Variants in NBAS observed in about 807,000 individuals in gnomAD.
The protein encoded by NBAS is NBAS subunit of NRZ tethering complex, also known as NAG/BC035112 fusion.
A neutral mutation model predicts 302.5 loss-of-function variants in NBAS; 219 were observed. The observed-to-expected ratio is 0.72, with a 90% CI of 0.65 to 0.81. The LOEUF is 0.81. Among genes scored for constraint, NBAS ranks in the 30% least tolerant of loss-of-function variants. The pLI is 0.00. For missense variants in NBAS, 2,932 were observed against 2,841.6 expected (o/e 1.03, Z -0.72); for synonymous variants, 1,118 against 1,021.6 (o/e 1.09, Z -1.80).
intron 38 of NBAS, among the ~76,000 whole-genome samples, chr2:15,317,941 AATTGTCAG>A (rs1217565916): frequency 6.6e-6 from 1 of 152,200 alleles, no homozygotes; most frequent in Non-Finnish European, 1.5e-5. Flanking sequence ...CAAGACACAT[AATTGTCAG>A]ATTCACCAAG....
chr2:15,364,788 A>G (rs1199660634), intron 32 of NBAS, among the ~76,000 whole-genome samples: 1 of 152,104 alleles, frequency 6.6e-6, no homozygotes, highest in African/African-American at 2.4e-5. Context: ...CCACGATCTG[A>G]TGAAATTTCA....
chr2:15,292,261 A>G (rs1670337898), intron 41 of NBAS, among the ~76,000 whole-genome samples: 1 of 152,252 alleles, frequency 6.6e-6, no homozygotes, highest in African/African-American at 2.4e-5. Flanking sequence ...CTGGGATTAC[A>G]GGCATGAGCC....
intron 34 of NBAS, among the ~76,000 whole-genome samples, chr2:15,352,934 C>T (rs1673435636): frequency 6.6e-6 from 1 of 152,158 alleles, no homozygotes; most frequent in Admixed American, 6.5e-5. Context: ...CCTGACCCAT[C>T]TGATGGTCGC....
At chr2:15,074,472 GTATT>G in the NBAS span, among the ~76,000 whole-genome samples, 2,152 of 151,892 alleles carry the variant, frequency 0.014, 25 homozygotes, top group Non-Finnish European at 0.022. Context: ...AAAAAATAAT[GTATT>G]TATAATCACA....
chr2:15,083,980 A>T, the NBAS span, among the ~76,000 whole-genome samples: 1 of 152,238 alleles, frequency 6.6e-6, no homozygotes, highest in African/African-American at 2.4e-5. Context: ...GAATAAAAAA[A>T]ACTATAGAAA....
chr2:15,134,786 G>A, the NBAS span, among the ~76,000 whole-genome samples: 1 of 152,114 alleles, frequency 6.6e-6, no homozygotes. Context: ...TCTATTTAAA[G>A]CTAGAAGATG....
chr2:14,788,739 A>G, the NBAS span, among the ~76,000 whole-genome samples: 2 of 152,158 alleles, frequency 1.3e-5, no homozygotes, highest in South Asian at 2.1e-4. Flanking sequence ...GTCTGCCCCT[A>G]CTGGGGGGTG....
the NBAS span, among the ~76,000 whole-genome samples, chr2:15,002,517 T>G: frequency 6.6e-6 from 1 of 152,088 alleles, no homozygotes; most frequent in South Asian, 2.1e-4. Context: ...TGCCTGCCAG[T>G]CCCACGCCGT....
At chr2:15,463,888 G>T (rs1475720826) in intron 19 of NBAS, among the ~76,000 whole-genome samples, 1 of 151,256 alleles carries the variant, frequency 6.6e-6, no homozygotes, top group Non-Finnish European at 1.5e-5. Flanking sequence ...ATATCATTGT[G>T]GTTATAGTTT....
chr2:14,872,864 C>T, the NBAS span, among the ~76,000 whole-genome samples: 6 of 152,020 alleles, frequency 3.9e-5, no homozygotes, highest in Non-Finnish European at 7.4e-5. Context: ...TTAAAGGCGG[C>T]GCCTCCGGAG....
intron 49 of NBAS, among the ~76,000 whole-genome samples, chr2:15,189,000 G>C (rs1007407932): frequency 3.9e-5 from 6 of 152,156 alleles, no homozygotes; most frequent in African/African-American, 1.4e-4. Context: ...CCAGTATGGA[G>C]AGATGGACTC....
chr2:14,985,134 T>G, the NBAS span, among the ~76,000 whole-genome samples: 1 of 152,194 alleles, frequency 6.6e-6, no homozygotes, highest in South Asian at 2.1e-4. Flanking sequence ...AGTGACGGGC[T>G]GGGAAGGCTT....
At chr2:15,368,491 C>A (rs1240281364) in intron 31 of NBAS, among the ~76,000 whole-genome samples, 1 of 152,124 alleles carries the variant, frequency 6.6e-6, no homozygotes, top group African/African-American at 2.4e-5. Flanking sequence ...AGCCAATGCA[C>A]CTGGCCTAGA....
the NBAS span, among the ~76,000 whole-genome samples, chr2:14,957,494 A>G: frequency 6.6e-6 from 1 of 152,212 alleles, no homozygotes; most frequent in South Asian, 2.1e-4. Context: ...CACAAAGATC[A>G]GTTTGAGGGT....
At chr2:14,918,932 G>A in the NBAS span, among the ~76,000 whole-genome samples, 1 of 152,078 alleles carries the variant, frequency 6.6e-6, no homozygotes, top group African/African-American at 2.4e-5. Context: ...AATAGGGATG[G>A]CACAGAGATA....
At chr2:15,382,565 C>G (rs746954559) in intron 29 of NBAS, among the ~76,000 whole-genome samples, 1 of 152,066 alleles carries the variant, frequency 6.6e-6, no homozygotes, top group Admixed American at 6.5e-5. Flanking sequence ...AAGGGAACAA[C>G]GTGTGCAAAG....
the NBAS span, among the ~76,000 whole-genome samples, chr2:14,978,612 C>T: frequency 2.0e-5 from 3 of 152,188 alleles, no homozygotes; most frequent in Non-Finnish European, 2.9e-5. Flanking sequence ...AATTGAATGA[C>T]ATAATCAGGT....
chr2:15,403,030 T>C (rs1558307625), intron 25 of NBAS, among the ~76,000 whole-genome samples: 1 of 149,778 alleles, frequency 6.7e-6, no homozygotes, highest in Non-Finnish European at 1.5e-5. Context: ...GAATGAAAAA[T>C]AAATACAGCA....
intron 12 of NBAS, among the ~76,000 whole-genome samples, chr2:15,481,446 T>C (rs1464662239): frequency 3.9e-5 from 6 of 152,178 alleles, no homozygotes; most frequent in African/African-American, 1.4e-4. Context: ...CCACATCTGA[T>C]ACACACTGTA....
Sources: allele counts gnomAD v4.1 joint callset (sites outside exome capture counted in the v4.1 genomes callset), GRCh38; gene constraint gnomAD v4.1.1; transcripts MANE v1.5; gene names NCBI Gene and HGNC (gene_info 2026-07-23, HGNC 2026-07-21).